TSPEAR: variants seen among roughly 807,000 people sequenced by gnomAD.
The protein encoded by TSPEAR is thrombospondin-type laminin G domain and EAR repeat-containing protein.
In TSPEAR, 69 loss-of-function variants were observed where a neutral mutation model predicts 71.6. The ratio of observed to expected loss-of-function variants is 0.96; its 90% confidence interval spans 0.79 to 1.18. The LOEUF (loss-of-function observed/expected upper bound fraction) is 1.18. TSPEAR is among the 50% of genes most tolerant of loss of function. TSPEAR has a pLI of 0.00. For missense variants in TSPEAR, 971 were observed against 894.9 expected (o/e 1.09, Z -1.09); for synonymous variants, 402 against 387.2 (o/e 1.04, Z -0.45).
At chr21:44,586,961 C>T (rs1555925766) in intron 1 of TSPEAR, among the ~76,000 whole-genome samples, 2 of 152,178 alleles carry the variant, frequency 1.3e-5, no homozygotes, top group African/African-American at 4.8e-5. Context: ...TGAAAGCACT[C>T]CCTCTGAGAA....
At position 44,550,872 on chromosome 21, in the gene TSPEAR, A is replaced by G. The variant is rs782357467; in HGVS notation, c.303+16913T>C. 7 of 1,535,002 alleles carry G rather than the reference A, an allele frequency of 4.6e-6. No homozygotes were observed. In the African/African-American group the frequency reaches 8.4e-5, roughly 18 times the overall value. On this transcript the variant is annotated intron_variant, in intron 2 of 11. Coordinates refer to ENST00000323084, the MANE Select transcript of TSPEAR (RefSeq NM_144991.3). Reference sequence around the variant, plus strand: ...CCCAGAGCAAACAGGTACACAGCAGATGGACTTGCAGCAGACAGGCTTGCA... The same window carrying G: ...CCCAGAGCAAACAGGTACACAGCAGGTGGACTTGCAGCAGACAGGCTTGCA...
At chr21:44,627,781 G>A (rs1982950929) in intron 1 of TSPEAR, 3 of 1,599,976 alleles carry the variant, frequency 1.9e-6, no homozygotes, top group Non-Finnish European at 2.6e-6. Context: ...TGTCTGCTCT[G>A]GGGCTTCCTC....
intron 1 of TSPEAR, chr21:44,637,615 C>T (rs781995042): frequency 1.1e-5 from 17 of 1,613,882 alleles, no homozygotes; most frequent in Middle Eastern, 1.7e-4. Flanking sequence ...AATCAGGCTA[C>T]ACCAGCTCCT....
rs536731234 is a variant in TSPEAR at position 44,701,208 on chromosome 21, G to T, written c.82+10225C>A. 1.7e-3 allele frequency among the ~76,000 whole-genome samples: 261 copies of T among 152,340 alleles called. 1 individual carries two copies. Among genetic ancestry groups the T allele is most frequent in the Non-Finnish European group, 2.7e-3 (186 of 68,028 alleles). The stretch of plus-strand genomic sequence containing the variant: ...AGGGACAGCGCGGAGTGGTCGGGCC[G>T]GGGTGCCCAGAGCTCCCACCATCTC... On this transcript the variant is annotated intron_variant, in intron 1 of 11. Coordinates refer to ENST00000323084, the MANE Select transcript of TSPEAR (RefSeq NM_144991.3).
chr21:44,574,412 C>G (rs782406624), intron 1 of TSPEAR: 1 of 1,603,240 alleles, frequency 6.2e-7, no homozygotes, highest in South Asian at 1.1e-5. Context: ...AGCCGGCTTG[C>G]TGCACCTCCT....
At chr21:44,590,275 G>A (rs1302369839) in intron 1 of TSPEAR, among the ~76,000 whole-genome samples, 4 of 152,362 alleles carry the variant, frequency 2.6e-5, no homozygotes, top group Admixed American at 6.5e-5. Context: ...CTCGCCCAAC[G>A]CGGTATCGTG....
intron 2 of TSPEAR, among the ~76,000 whole-genome samples, chr21:44,543,616 T>C (rs142858443): frequency 7.0e-4 from 107 of 152,298 alleles, no homozygotes; most frequent in African/African-American, 2.4e-3. Flanking sequence ...CTAGTGTCTT[T>C]ACCAGAGAAA....
chr21:44,580,082 G>A, intron 1 of TSPEAR: 1 of 1,613,862 alleles, frequency 6.2e-7, no homozygotes, highest in South Asian at 1.1e-5. Flanking sequence ...CTGGCAGGGG[G>A]AGGAGGTGCA....
intron 1 of TSPEAR, chr21:44,647,535 C>A: frequency 1.3e-6 from 1 of 747,020 alleles, no homozygotes; most frequent in Non-Finnish European, 2.2e-6. Flanking sequence ...AGACAACCCA[C>A]AAATCCCTCA....
Position 44,627,366 on chromosome 21 carries a change from C to A in TSPEAR, c.83-59361G>T, listed in dbSNP as rs1555934620. On this transcript the variant is annotated intron_variant, in intron 1 of 11. Transcript: ENST00000323084. ...GCTGCCAGGTGACCTGTGAGCCCAG[C>A]CCCTGCCAATCAGGCTGCACCAGCT... 6.2e-7 allele frequency: 1 copy of A among 1,613,674 alleles called. No homozygotes were observed. The highest frequency in any genetic ancestry group is 1.7e-5 in the Admixed American group (1 of 60,026).
intron 1 of TSPEAR, among the ~76,000 whole-genome samples, chr21:44,640,814 G>C (rs189296252): frequency 6.6e-6 from 1 of 152,318 alleles, no homozygotes; most frequent in East Asian, 1.9e-4. Context: ...CCCTAGCAAA[G>C]GGACCATACA....
intron 1 of TSPEAR, among the ~76,000 whole-genome samples, chr21:44,646,048 C>G (rs1011815553): frequency 1.5e-5 from 2 of 129,322 alleles, no homozygotes; most frequent in African/African-American, 5.9e-5. Context: ...TCGCTTGAAC[C>G]CAGGGGGCGG....
chr21:44,504,343 G>C (rs2052140689), intron 11 of TSPEAR, among the ~76,000 whole-genome samples: 1 of 142,026 alleles, frequency 7.0e-6, no homozygotes, highest in Non-Finnish European at 1.5e-5. Flanking sequence ...GAGGAAGCTG[G>C]CCTCGGTGAG....
rs2051964220 is a variant in TSPEAR at position 44,498,105 on chromosome 21, G to A, written c.*1678C>T. On this transcript the variant is annotated 3_prime_UTR_variant, in exon 12 of 12. Coordinates refer to ENST00000323084, the MANE Select transcript of TSPEAR (RefSeq NM_144991.3). ...ACAGTCAGTTACCTGTTTATCTCGTGCTCAGTAAATTGGCACTTTCCATGA... is the reference window on the plus strand; with the variant it reads ...ACAGTCAGTTACCTGTTTATCTCGTACTCAGTAAATTGGCACTTTCCATGA... 1 of 152,306 alleles carries A rather than the reference G, an allele frequency of 6.6e-6. No homozygotes were observed. Among genetic ancestry groups the A allele is most frequent in the African/African-American group, 2.4e-5 (1 of 41,544 alleles). The allele number at this position is 152,306 out of a possible 1,614,324, so 9.4% of individuals were successfully genotyped here.
chr21:44,601,907 C>A (rs1555928951), intron 1 of TSPEAR: 3 of 952,374 alleles, frequency 3.2e-6, no homozygotes, highest in African/African-American at 1.7e-5. Flanking sequence ...GCTGTTTCTC[C>A]AAGTCTTGAC....
chr21:44,541,679 A>C (rs2053225703), intron 2 of TSPEAR, among the ~76,000 whole-genome samples: 1 of 152,244 alleles, frequency 6.6e-6, no homozygotes, highest in Admixed American at 6.5e-5. Context: ...AGGACCTGAC[A>C]AGGTGGAGGG....
At chr21:44,663,144 T>A in intron 1 of TSPEAR, among the ~76,000 whole-genome samples, 1 of 150,652 alleles carries the variant, frequency 6.6e-6, no homozygotes. Context: ...GGAAAAGAAT[T>A]CAATGAAAGC....
Position 44,539,496 on chromosome 21 carries a change from C to T in TSPEAR, c.304-5573G>A, listed in dbSNP as rs1555916846. 4 of 1,613,724 alleles carry T rather than the reference C, an allele frequency of 2.5e-6. No homozygotes were observed. In the African/African-American group the frequency reaches 4.0e-5, roughly 16 times the overall value. On this transcript the variant is annotated intron_variant, in intron 2 of 11. Transcript: ENST00000323084. ...CTGCAGCAGGAGGTGGTGCAGCAAG[C>T]CGGCTGGCAGCTAGACTGCTGGCAG...
At chr21:44,604,727 T>C (rs1250846657) in intron 1 of TSPEAR, among the ~76,000 whole-genome samples, 1 of 152,264 alleles carries the variant, frequency 6.6e-6, no homozygotes, top group African/African-American at 2.4e-5. Context: ...TGTGGGCTTG[T>C]TGCATATGGC....
Sources: allele counts gnomAD v4.1 joint callset (sites outside exome capture counted in the v4.1 genomes callset), GRCh38; gene constraint gnomAD v4.1.1; transcripts MANE v1.5; gene names NCBI Gene and HGNC (gene_info 2026-07-23, HGNC 2026-07-21).